Variants in NXPE4 observed in about 807,000 individuals in gnomAD.
NXPE4 encodes NXPE family member 4.
In NXPE4, 42 loss-of-function variants were observed where a neutral mutation model predicts 33.3. The observed-to-expected ratio is 1.26, with a 90% confidence interval of 0.98 to 1.63. The LOEUF is 1.63. Among genes scored for constraint, NXPE4 ranks in the 40% most tolerant of loss-of-function variants. The pLI, the probability that NXPE4 is intolerant of heterozygous loss-of-function variation, is 0.00. For missense variants in NXPE4, 709 were observed against 647.6 expected, an observed-to-expected ratio of 1.09 and a Z score of -1.03; for synonymous variants, 253 against 234.9, an observed-to-expected ratio of 1.08 and a Z score of -0.71.
At chr11:114,643,673 G>A in the NXPE4 span, among the ~76,000 whole-genome samples, 1 of 151,468 alleles carries the variant, frequency 6.6e-6, no homozygotes, top group Non-Finnish European at 1.5e-5. Flanking sequence ...TTGTAGTATA[G>A]TTTAAAGTCA....
In NXPE4 at chr11:114,582,329, T is replaced by C. The variant is rs113447804; in HGVS notation, c.789A>G (p.Lys263=). The C allele has an allele frequency of 3.2e-4, 517 of 1,595,822 alleles. 2 individuals carry two copies. In the African/African-American group the frequency reaches 6.0e-3, roughly 19 times the overall value. ...TTTCTTGTTTGCTAAGATAAGAAAC[T>C]TTCTTGTTCTTAGAATACATGTGAG... is the stretch of plus-strand genomic sequence containing the variant. ...ALTHMYSKNK[K]VSYLSKQEKS... The change falls in exon 3 of 6, where the codon AAA becomes AAG. Residue 263 remains lysine (K), a synonymous_variant. Coordinates refer to ENST00000375478, the MANE Select transcript of NXPE4 (RefSeq NM_001077639.2).
chr11:114,583,815 A>AT (rs1949213725), intron 2 of NXPE4: 4 of 428,790 alleles, frequency 9.3e-6, no homozygotes, highest in Non-Finnish European at 1.4e-5. Flanking sequence ...GAGGCCTTCT[A>AT]TATTACAGGC....
chr11:114,571,545 A>G, intron 5 of NXPE4, 72 bp from the exon 6 acceptor site: 1 of 1,289,276 alleles, frequency 7.8e-7, no homozygotes, highest in Non-Finnish European at 1.1e-6. Flanking sequence ...ATAAAGATGG[A>G]AGAGATTTGA....
the NXPE4 span, among the ~76,000 whole-genome samples, chr11:114,603,737 C>T: frequency 7.1e-6 from 1 of 141,188 alleles, no homozygotes; most frequent in Non-Finnish European, 1.5e-5. Flanking sequence ...TCCTATTACC[C>T]AGTGGATGAT....
chr11:114,614,170 C>T, the NXPE4 span, among the ~76,000 whole-genome samples: 1 of 147,880 alleles, frequency 6.8e-6, no homozygotes, highest in Non-Finnish European at 1.5e-5. Flanking sequence ...CAACTCTTAC[C>T]CTGTAATAAG....
intron 1 of NXPE4, among the ~76,000 whole-genome samples, 157 bp from the exon 2 acceptor site, chr11:114,594,926 T>G (rs1949546339): frequency 6.6e-6 from 1 of 152,078 alleles, no homozygotes; most frequent in Admixed American, 6.5e-5. Context: ...CAAGCTGTAC[T>G]TGGTATCTCC....
the NXPE4 span, among the ~76,000 whole-genome samples, chr11:114,660,241 C>T: frequency 2.6e-5 from 4 of 151,922 alleles, no homozygotes. Flanking sequence ...GGAATCAATA[C>T]TAACAATTCT....
chr11:114,610,859 T>C, the NXPE4 span, among the ~76,000 whole-genome samples: 9 of 151,932 alleles, frequency 5.9e-5, no homozygotes, highest in Non-Finnish European at 1.2e-4. Context: ...GGGTAACCAC[T>C]GTTCCCCGGG....
intron 2 of NXPE4, among the ~76,000 whole-genome samples, chr11:114,589,089 C>T (rs1591350529): frequency 6.6e-6 from 1 of 152,062 alleles, no homozygotes; most frequent in Non-Finnish European, 1.5e-5. Flanking sequence ...CTGCGAGTTG[C>T]TATTGATGTG....
chr11:114,618,496 G>A, the NXPE4 span, among the ~76,000 whole-genome samples: 12 of 151,206 alleles, frequency 7.9e-5, no homozygotes, highest in East Asian at 2.0e-4. Context: ...GTGTTGCCTC[G>A]TAGGTAACCA....
the NXPE4 span, among the ~76,000 whole-genome samples, chr11:114,644,012 T>C: frequency 6.6e-6 from 1 of 152,150 alleles, no homozygotes; most frequent in African/African-American, 2.4e-5. Flanking sequence ...GGCATTTTAT[T>C]CTCTTTGCAG....
At chr11:114,612,642 G>A in the NXPE4 span, among the ~76,000 whole-genome samples, 1 of 151,792 alleles carries the variant, frequency 6.6e-6, no homozygotes, top group Non-Finnish European at 1.5e-5. Context: ...ATTGCCTCGT[G>A]GGTAACCACG....
At chr11:114,632,016 A>T in the NXPE4 span, among the ~76,000 whole-genome samples, 8 of 147,472 alleles carry the variant, frequency 5.4e-5, no homozygotes, top group African/African-American at 1.7e-4. Context: ...TACCTAATAG[A>T]TAATAATTAT....
upstream of NXPE4, among the ~76,000 whole-genome samples, chr11:114,600,056 G>A (rs2135319734): frequency 6.6e-6 from 1 of 152,284 alleles, no homozygotes; most frequent in East Asian, 1.9e-4. Flanking sequence ...TACAAAGTGA[G>A]CATTAGAACT....
upstream of NXPE4, among the ~76,000 whole-genome samples, chr11:114,600,473 G>A (rs535784034): frequency 1.5e-4 from 23 of 152,160 alleles, no homozygotes; most frequent in Admixed American, 9.2e-4. Context: ...GGCACATCAC[G>A]TCTATGGTAT....
At chr11:114,625,873 G>T in the NXPE4 span, among the ~76,000 whole-genome samples, 1 of 152,276 alleles carries the variant, frequency 6.6e-6, no homozygotes, top group East Asian at 1.9e-4. Flanking sequence ...GAAGCGCAAG[G>T]GGTCAGGGAG....
chr11:114,671,645 CT>C, the NXPE4 span, among the ~76,000 whole-genome samples: 1 of 151,800 alleles, frequency 6.6e-6, no homozygotes, highest in Non-Finnish European at 1.5e-5. Flanking sequence ...ATTCAAAGTG[CT>C]GAGAGAAAAA....
the NXPE4 span, among the ~76,000 whole-genome samples, chr11:114,619,988 T>G: frequency 6.6e-6 from 1 of 151,932 alleles, no homozygotes; most frequent in South Asian, 2.1e-4. Flanking sequence ...ACCTGGTGGA[T>G]AGTTAGTATT....
chr11:114,667,135 C>T, the NXPE4 span, among the ~76,000 whole-genome samples: 1 of 152,074 alleles, frequency 6.6e-6, no homozygotes, highest in African/African-American at 2.4e-5. Flanking sequence ...TATCTGTATA[C>T]ATGAAGATAT....
Sources: allele counts gnomAD v4.1 joint callset (sites outside exome capture counted in the v4.1 genomes callset), GRCh38; gene constraint gnomAD v4.1.1; transcripts MANE v1.5; gene names NCBI Gene and HGNC (gene_info 2026-07-23, HGNC 2026-07-21).